TAF1L: variants seen among roughly 807,000 people sequenced by gnomAD.
The protein encoded by TAF1L is TATA-box binding protein associated factor 1 like, also known as transcription initiation factor TFIID subunit 1-like.
Under a neutral mutation model 128.8 loss-of-function variants are expected in TAF1L, and 30 were observed. The ratio of observed to expected loss-of-function variants is 0.23; its 90% CI spans 0.17 to 0.32. TAF1L has a LOEUF of 0.32. Among genes scored for constraint, TAF1L ranks in the 10% least tolerant of loss-of-function variants. The pLI is 1.00. For synonymous variants in TAF1L, 764 were observed against 790.7 expected, an observed-to-expected ratio of 0.97 and a Z score of 0.57; for missense variants, 2,099 against 2,253.7, an observed-to-expected ratio of 0.93 and a Z score of 1.39.
In TAF1L at chr9:32,631,683, G is replaced by A. The variant is rs763647785; in HGVS notation, c.3897C>T (p.Pro1299=). 5 of 1,614,072 alleles carry A rather than the reference G, an allele frequency of 3.1e-6. No homozygotes were observed. The South Asian group carries it at 3.3e-5, about 11-fold the overall frequency. The change falls in exon 1 of 1, where the codon CCC becomes CCT. Residue 1299 remains proline, a synonymous_variant. Coordinates refer to ENST00000242310, the MANE Select transcript of TAF1L (RefSeq NM_153809.2). This position sits in a 1 kb window ranked among gnomAD's most constrained non-coding sequence, Gnocchi z 4.1. The part of the protein sequence containing the change: ...IGHMRTNKFC[P]LYYQTNVPPS... ...GTGGCACATTTGTTTGATAATAGAG[G>A]GGGCAGAATTTGTTAGTCCTCATAT...
chr9:32,634,988 C>T lies in TAF1L; in HGVS notation c.592G>A (p.Glu198Lys). ...SIIAPSFLAS[E>K]KVDFSSYSDS... Reference sequence around the variant, plus strand: ...GAGTAACTACTGAAATCCACTTTCTCTGAGGCCAAAAAGGAAGGGGCAATG... The same window carrying T: ...GAGTAACTACTGAAATCCACTTTCTTTGAGGCCAAAAAGGAAGGGGCAATG... Residue 198 changes from glutamate to lysine, a missense_variant, in exon 1 of 1, where the codon GAG becomes AAG. By Grantham distance (56) the Glu-to-Lys change is moderately conservative. This residue lies in a region of TAF1L where 473 missense variants were observed against 429.6 expected (regional missense o/e 1.10). Transcript: ENST00000242310. 1 of 1,614,072 alleles carries T rather than the reference C, an allele frequency of 6.2e-7. No individual in the cohort carries two copies. The highest frequency in any genetic ancestry group is 8.5e-7 in the Non-Finnish European group (1 of 1,180,008).
At position 32,629,711 on chromosome 9, in the gene TAF1L, G is replaced by C. The variant is rs760754749; in HGVS notation, c.*388C>G. On this transcript the variant is annotated 3_prime_UTR_variant, in exon 1 of 1. Coordinates refer to ENST00000242310, the MANE Select transcript of TAF1L (RefSeq NM_153809.2). ...CTCACTCTTTCGCCCAGGCTGGAGC[G>C]CAGTGGCGTGATCTCCACTCACTGC... 4 of 295,984 alleles carry C rather than the reference G, an allele frequency of 1.4e-5. No homozygotes were observed. Among genetic ancestry groups the C allele is most frequent in the Non-Finnish European group, 2.5e-5 (4 of 159,020 alleles). The allele number at this position is 295,984 out of a possible 1,614,324, so 18.3% of individuals were successfully genotyped here.
At position 32,629,634 on chromosome 9, in the gene TAF1L, A is replaced by G. The variant is rs1250982330; in HGVS notation, c.*465T>C. 2 of 214,010 alleles carry G rather than the reference A, an allele frequency of 9.3e-6. No homozygotes were observed. Among genetic ancestry groups the G allele is most frequent in the Non-Finnish European group, 1.9e-5 (2 of 106,940 alleles). 13.3% of individuals were successfully genotyped at this position (214,010 alleles called of 1,614,324 possible). A position where few individuals can be genotyped will look rare whatever the true frequency, so the allele number is the denominator to read the frequency against. ...TCATCTGTTCCAGCCTGTAAATTAG[A>G]AAAGTGAGATGATACCATGCTTGGA... On this transcript the variant is annotated 3_prime_UTR_variant, in exon 1 of 1. Coordinates refer to ENST00000242310, the MANE Select transcript of TAF1L (RefSeq NM_153809.2).
Position 32,634,222 on chromosome 9 carries a change from G to T in TAF1L, c.1358C>A (p.Ala453Glu), listed in dbSNP as rs758406437. The T allele has an allele frequency of 1.2e-6, 2 of 1,614,176 alleles. No individual in the cohort carries two copies. The highest frequency in any genetic ancestry group is 1.1e-5 in the South Asian group (1 of 91,082). Residue 453 changes from alanine (A) to glutamate (E), a missense_variant, in exon 1 of 1, where the codon GCA becomes GAA. By Grantham distance (107) the Ala-to-Glu change is moderately radical. Around this residue, in one of 4 missense-constraint regions of TAF1L, gnomAD observed 1,213 missense variants for 1,391.4 expected, o/e 0.87. Coordinates refer to ENST00000242310, the MANE Select transcript of TAF1L (RefSeq NM_153809.2). The part of the protein sequence containing the change: ...KGTKPQGASL[A>E]GWLPSIKTRN... ...AGTCTTAATAGAAGGAAGCCAGCCT[G>T]CCAGGCTTGCACCCTGAGGTTTTGT...
Position 32,629,894 on chromosome 9 carries a change from G to C in TAF1L, c.*205C>G. The stretch of plus-strand genomic sequence containing the variant: ...AGCTGGTCTCGAACTGACCTCAGGT[G>C]ATCCACCCGCCTCGGCCTCCCAGAG... On this transcript the variant is annotated 3_prime_UTR_variant, in exon 1 of 1. Coordinates refer to ENST00000242310, the MANE Select transcript of TAF1L (RefSeq NM_153809.2). 1.0e-6 allele frequency: 1 copy of C among 972,942 alleles called. No homozygotes were observed. Among genetic ancestry groups the C allele is most frequent in the South Asian group, 1.7e-5 (1 of 57,880 alleles). The allele number at this position is 972,942 out of a possible 1,614,324, so 60.3% of individuals were successfully genotyped here.
In TAF1L at chr9:32,633,668, G is replaced by C. The variant is rs1380550262; in HGVS notation, c.1912C>G (p.Pro638Ala). 5 of 1,614,144 alleles carry C rather than the reference G, an allele frequency of 3.1e-6. No individual in the cohort carries two copies. Among genetic ancestry groups the C allele is most frequent in the East Asian group, 2.2e-5 (1 of 44,882 alleles). ...GCACCAAATGAGTACTTTTTCAGAG[G>C]TGGGCGATGGAACTGCCGGATTTTG... Reference protein sequence around the residue: ...PIKIRQFHRPPLKKYSFGALS... With the variant: ...PIKIRQFHRPALKKYSFGALS... The change falls in exon 1 of 1, where the codon CCT becomes GCT. Residue 638 changes from proline (P) to alanine (A), a missense_variant. By Grantham distance (27) the Pro-to-Ala change is conservative. Coordinates refer to ENST00000242310, the MANE Select transcript of TAF1L (RefSeq NM_153809.2).
In TAF1L at chr9:32,629,509, TATAATTAAATAAACAATAAA is replaced by T. The variant is rs1822490138; in HGVS notation, c.*570_*589del. On this transcript the variant is annotated 3_prime_UTR_variant, in exon 1 of 1. Coordinates refer to ENST00000242310, the MANE Select transcript of TAF1L (RefSeq NM_153809.2). ...AAATCCATATAGGAACGAGGCATTG[TATAATTAAATAAACAATAAA>T]ATAATGGGCGGTTTGTCACATAGGT... 1 of 154,588 alleles carries T rather than the reference TATAATTAAATAAACAATAAA, an allele frequency of 6.5e-6. No individual in the cohort carries two copies. The highest frequency in any genetic ancestry group is 1.4e-5 in the Non-Finnish European group (1 of 69,672). The allele number at this position is 154,588 out of a possible 1,614,324, so 9.6% of individuals were successfully genotyped here.
rs779419819 is a variant in TAF1L at position 32,631,745 on chromosome 9, G to A, written c.3835C>T (p.Leu1279=). The change falls in exon 1 of 1, where the codon CTA becomes TTA. Residue 1279 remains leucine (L), a synonymous_variant. Coordinates refer to ENST00000242310, the MANE Select transcript of TAF1L (RefSeq NM_153809.2). This position sits in a 1 kb window ranked among gnomAD's most constrained non-coding sequence, Gnocchi z 4.1. The part of the protein sequence containing the change: ...KPKKMKERPD[L]KLKCGACGAI... ...CCACATGCCCCACATTTCAGTTTTA[G>A]GTCAGGACGCTCTTTCATTTTCTTG... 7.4e-6 allele frequency: 12 copies of A among 1,614,090 alleles called. No homozygotes were observed. The highest frequency in any genetic ancestry group is 9.3e-6 in the Non-Finnish European group (11 of 1,180,028).
Position 32,632,889 on chromosome 9 carries a change from A to G in TAF1L, c.2691T>C (p.Ala897=). ...CACAGCACTGCTCTGGTGACACCTT[A>G]GCTCTGATCTCTTCTTCCGTTGGTA... ...FRLPTEEEIR[A]KVSPEQCCAY... is the part of the protein sequence containing the mutation. Residue 897 remains alanine (A), a synonymous_variant, in exon 1 of 1, where the codon GCT becomes GCC. Coordinates refer to ENST00000242310, the MANE Select transcript of TAF1L (RefSeq NM_153809.2). The surrounding 1 kb of genome is among the most constrained non-coding windows in gnomAD (Gnocchi z 4.4). 1 of 1,614,236 alleles carries G rather than the reference A, an allele frequency of 6.2e-7. No individual in the cohort carries two copies.
chr9:32,633,914 T>C lies in TAF1L; in HGVS notation c.1666A>G (p.Lys556Glu). The change falls in exon 1 of 1, where the codon AAG (lysine) becomes GAG (glutamate). Residue 556 changes from lysine (K) to glutamate (E), a missense_variant. Physicochemically the swap from Lys to Glu is moderately conservative, Grantham distance 56 (BLOSUM62 1). Transcript: ENST00000242310. ...KESKKESSLK[K>E]SRILLGKTGV... ...GTTTTGCCCAAGAGAATTCGACTCT[T>C]CTTCAGAGATGATTCCTTCTTACTC... 1 of 1,614,186 alleles carries C rather than the reference T, an allele frequency of 6.2e-7. No individual in the cohort carries two copies. Among genetic ancestry groups the C allele is most frequent in the East Asian group, 2.2e-5 (1 of 44,882 alleles).
chr9:32,631,031 A>T lies in TAF1L; in HGVS notation c.4549T>A (p.Leu1517Met). The T allele has an allele frequency of 3.1e-6, 5 of 1,614,180 alleles. No individual in the cohort carries two copies. The highest frequency in any genetic ancestry group is 4.2e-6 in the Non-Finnish European group (5 of 1,180,044). The change falls in exon 1 of 1, where the codon TTG becomes ATG. Residue 1517 changes from leucine (L) to methionine (M), a missense_variant. This residue lies in a region of TAF1L where 404 missense variants were observed against 406.5 expected (regional missense o/e 0.99). Coordinates refer to ENST00000242310, the MANE Select transcript of TAF1L (RefSeq NM_153809.2). The surrounding 1 kb of genome is among the most constrained non-coding windows in gnomAD (Gnocchi z 4.1). The part of the protein sequence containing the change: ...LARLEKAINP[L>M]LDDDDQVAFS... The stretch of plus-strand genomic sequence containing the variant: ...GCCACTTGGTCATCATCATCCAGCA[A>T]GGGGTTGATAGCTTTCTCTAAGCGA...
Position 32,631,433 on chromosome 9 carries a change from A to G in TAF1L, c.4147T>C (p.Cys1383Arg). The change falls in exon 1 of 1, where the codon TGT becomes CGT. Residue 1383 changes from cysteine (C) to arginine (R), a missense_variant. Coordinates refer to ENST00000242310, the MANE Select transcript of TAF1L (RefSeq NM_153809.2). This position sits in a 1 kb window ranked among gnomAD's most constrained non-coding sequence, Gnocchi z 4.1. ...KKRRVGTTVH[C>R]DYLNIPHKSI... ...TTATGAGGTATATTCAAATAGTCAC[A>G]ATGAACAGTGGTTCCAACTCGCCGT... 2.5e-6 allele frequency: 4 copies of G among 1,614,186 alleles called. No homozygotes were observed. The highest frequency in any genetic ancestry group is 3.4e-6 in the Non-Finnish European group (4 of 1,180,032).
At position 32,635,250 on chromosome 9, in the gene TAF1L, T is replaced by C; in HGVS notation, c.330A>G (p.Ser110=). 1 of 1,614,186 alleles carries C rather than the reference T, an allele frequency of 6.2e-7. No individual in the cohort carries two copies. Among genetic ancestry groups the C allele is most frequent in the Non-Finnish European group, 8.5e-7 (1 of 1,180,040 alleles). Residue 110 remains serine (S), a synonymous_variant, in exon 1 of 1, where the codon TCA becomes TCG. Coordinates refer to ENST00000242310, the MANE Select transcript of TAF1L (RefSeq NM_153809.2). ...CATCTTCTGCCACCTCATTGATGTC[T>C]GAATAGTCTACAGCATCTTCTGTAC... ...IRSTEDAVDY[S]DINEVAEDES...
In TAF1L at chr9:32,634,904, T is replaced by G; in HGVS notation, c.676A>C (p.Lys226Gln). 6.2e-7 allele frequency: 1 copy of G among 1,614,140 alleles called. No individual in the cohort carries two copies. The highest frequency in any genetic ancestry group is 1.1e-5 in the South Asian group (1 of 91,088). The change falls in exon 1 of 1, where the codon AAG (lysine) becomes CAG (glutamine). Residue 226 changes from lysine (K) to glutamine (Q), a missense_variant. Physicochemically the swap from Lys to Gln is moderately conservative, Grantham distance 53 (BLOSUM62 1). Transcript: ENST00000242310. ...EATQAESEDG[K>Q]LTLPLAGIMQ... ...ATCCCAGCCAATGGAAGGGTCAGCT[T>G]TCCATCCTCAGATTCTGCCTGTGTT...
rs773511145 is a variant in TAF1L at position 32,633,612 on chromosome 9, T to C, written c.1968A>G (p.Gln656=). The change falls in exon 1 of 1, where the codon CAA becomes CAG. Residue 656 remains glutamine, a synonymous_variant. Coordinates refer to ENST00000242310, the MANE Select transcript of TAF1L (RefSeq NM_153809.2). ...TTTTTTTGATGTGCTTTAGCAAAGG[T>C]TGGACTGAATGGGGACCTGGCTGAG... ...ALSQPGPHSV[Q]PLLKHIKKKA... is the part of the protein sequence containing the mutation. The C allele has an allele frequency of 3.7e-6, 6 of 1,614,014 alleles. No homozygotes were observed. Among genetic ancestry groups the C allele is most frequent in the Non-Finnish European group, 5.1e-6 (6 of 1,180,016 alleles).
chr9:32,629,721 G>A lies in TAF1L; in HGVS notation c.*378C>T, dbSNP rs899701313. The A allele has an allele frequency of 2.9e-5, 10 of 341,020 alleles. 1 individual carries two copies. In the South Asian group the frequency reaches 3.5e-4, roughly 12 times the overall value. The allele number at this position is 341,020 out of a possible 1,614,324, so 21.1% of individuals were successfully genotyped here. A position where few individuals can be genotyped will look rare whatever the true frequency, so the allele number is the denominator to read the frequency against. ...CGCCCAGGCTGGAGCGCAGTGGCGT[G>A]ATCTCCACTCACTGCAACCTCTGCC... On this transcript the variant is annotated 3_prime_UTR_variant, in exon 1 of 1. Coordinates refer to ENST00000242310, the MANE Select transcript of TAF1L (RefSeq NM_153809.2).
rs1323251847 is a variant in TAF1L at position 32,631,236 on chromosome 9, T to G, written c.4344A>C (p.Thr1448=). 2 of 1,613,880 alleles carry G rather than the reference T, an allele frequency of 1.2e-6. No individual in the cohort carries two copies. Among genetic ancestry groups the G allele is most frequent in the East Asian group, 2.2e-5 (1 of 44,866 alleles). ...KIITRPMDLQ[T]LRENVRKCLY... ...GGCATTTACGCACATTTTCACGGAG[T>G]GTTTGTAGGTCCATTGGCCGAGTGA... Residue 1448 remains threonine (T), a synonymous_variant, in exon 1 of 1, where the codon ACA becomes ACC. Coordinates refer to ENST00000242310, the MANE Select transcript of TAF1L (RefSeq NM_153809.2). The surrounding 1 kb of genome is among the most constrained non-coding windows in gnomAD (Gnocchi z 4.1).
At position 32,629,963 on chromosome 9, in the gene TAF1L, T is replaced by C. The variant is rs1468161910; in HGVS notation, c.*136A>G. 1 of 1,517,772 alleles carries C rather than the reference T, an allele frequency of 6.6e-7. No individual in the cohort carries two copies. Among genetic ancestry groups the C allele is most frequent in the Non-Finnish European group, 8.9e-7 (1 of 1,128,242 alleles). 94.0% of individuals were successfully genotyped at this position (1,517,772 alleles called of 1,614,324 possible). ...GAGCCACCATGCCCAGCTGGAAATT[T>C]CCGATGCTGCTGAAGCTTGTGTCTT... On this transcript the variant is annotated 3_prime_UTR_variant, in exon 1 of 1. Coordinates refer to ENST00000242310, the MANE Select transcript of TAF1L (RefSeq NM_153809.2).
chr9:32,635,234 C>T lies in TAF1L; in HGVS notation c.346G>A (p.Ala116Thr), dbSNP rs765270570. 5.0e-6 allele frequency: 8 copies of T among 1,614,036 alleles called. No homozygotes were observed. The highest frequency in any genetic ancestry group is 6.8e-6 in the Non-Finnish European group (8 of 1,180,030). Residue 116 changes from alanine (A) to threonine (T), a missense_variant, in exon 1 of 1, where the codon GCA becomes ACA. Physicochemically the swap from Ala to Thr is moderately conservative, Grantham distance 58 (BLOSUM62 0). Coordinates refer to ENST00000242310, the MANE Select transcript of TAF1L (RefSeq NM_153809.2). ...AVDYSDINEV[A>T]EDESQRHQQT... ...TGGTGTCTTTGGCTTTCATCTTCTG[C>T]CACCTCATTGATGTCTGAATAGTCT...
Sources: gnomAD v4.1 joint callset for allele counts on GRCh38, gnomAD v4.1.1 for gene constraint, gnomAD v4.1.1 regional missense constraint, Gnocchi (gnomAD v3.1) non-coding constraint, MANE v1.5 for transcripts, NCBI Gene and HGNC (gene_info 2026-07-23, HGNC 2026-07-21) for gene names.